The following OSBPL1A variants were observed in gnomAD, a reference collection of about 807,000 sequenced individuals.
OSBPL1A encodes oxysterol-binding protein-related protein 1.
OSBPL1A carries 80 observed loss-of-function variants against 137.1 expected under a neutral mutation model. That is an observed-to-expected ratio of 0.58 (90% CI 0.49 to 0.70). The LOEUF is 0.70. OSBPL1A is among the 30% of genes least tolerant of loss of function. The probability of loss-of-function intolerance (pLI) is 0.00; values close to 1 mark genes in which losing one functional copy is unlikely to be tolerated. For missense variants in OSBPL1A, 970 were observed against 1,129.4 expected (o/e 0.86, Z 2.02); for synonymous variants, 365 against 389.7 (o/e 0.94, Z 0.75).
chr18:24,341,098 C>T (rs916340080), intron 5 of OSBPL1A, among the ~76,000 whole-genome samples: 2 of 152,282 alleles, frequency 1.3e-5, no homozygotes, highest in Admixed American at 6.5e-5. Flanking sequence ...TAGGCTCAAA[C>T]AATCCTCCTC....
At chr18:24,206,510 T>C (rs2087378824) in intron 17 of OSBPL1A, among the ~76,000 whole-genome samples, 1 of 152,212 alleles carries the variant, frequency 6.6e-6, no homozygotes, top group African/African-American at 2.4e-5. Context: ...ACATTTTTCA[T>C]TTAATTAAAA....
intron 17 of OSBPL1A, among the ~76,000 whole-genome samples, chr18:24,213,108 C>T (rs1285651659): frequency 6.6e-6 from 1 of 152,194 alleles, no homozygotes; most frequent in African/African-American, 2.4e-5. Flanking sequence ...GACTCAACAG[C>T]TGGGTATTTA....
intron 20 of OSBPL1A, among the ~76,000 whole-genome samples, chr18:24,178,513 G>C (rs989873276): frequency 6.6e-6 from 1 of 151,970 alleles, no homozygotes; most frequent in Non-Finnish European, 1.5e-5. Flanking sequence ...GGTTGGTTTC[G>C]AACTCCTGAC....
chr18:24,186,578 G>A (rs532963988), intron 18 of OSBPL1A, among the ~76,000 whole-genome samples: 2 of 152,120 alleles, frequency 1.3e-5, no homozygotes, highest in Admixed American at 6.5e-5. Context: ...TTCCTAAAAT[G>A]AACATGTACT....
chr18:24,397,032 T>C (rs1907793455), intron 1 of OSBPL1A, among the ~76,000 whole-genome samples: 1 of 152,240 alleles, frequency 6.6e-6, no homozygotes, highest in Non-Finnish European at 1.5e-5. Flanking sequence ...CAATACCGTC[T>C]GCCTAAAAAC....
At chr18:24,381,927 C>T (rs1906613584) in intron 1 of OSBPL1A, among the ~76,000 whole-genome samples, 1 of 151,514 alleles carries the variant, frequency 6.6e-6, no homozygotes, top group Admixed American at 6.6e-5. Context: ...CACCACTGCA[C>T]TCCAGACTGG....
At chr18:24,260,674 T>C (rs2089422853) in intron 15 of OSBPL1A, among the ~76,000 whole-genome samples, 1 of 152,112 alleles carries the variant, frequency 6.6e-6, no homozygotes, top group Non-Finnish European at 1.5e-5. Flanking sequence ...GAGTATTTAA[T>C]GGGTACAGGG....
chr18:24,277,487 G>A (rs758346583), intron 15 of OSBPL1A, among the ~76,000 whole-genome samples: 38 of 152,076 alleles, frequency 2.5e-4, no homozygotes, highest in African/African-American at 8.5e-4. Flanking sequence ...CAATATGATC[G>A]CATTTACTCT....
chr18:24,342,621 T>G (rs528375306), intron 4 of OSBPL1A, among the ~76,000 whole-genome samples: 2 of 152,218 alleles, frequency 1.3e-5, no homozygotes, highest in African/African-American at 4.8e-5. Context: ...TCTTTTAGAA[T>G]GTTTTCATAG....
chr18:24,335,544 C>A (rs935001742), intron 5 of OSBPL1A, among the ~76,000 whole-genome samples: 1 of 152,182 alleles, frequency 6.6e-6, no homozygotes, highest in African/African-American at 2.4e-5. Flanking sequence ...GATCTGAATT[C>A]TATTTTGGTT....
At chr18:24,395,864 C>T (rs1410261296) in intron 1 of OSBPL1A, among the ~76,000 whole-genome samples, 5 of 150,454 alleles carry the variant, frequency 3.3e-5, no homozygotes, top group South Asian at 2.1e-4. Flanking sequence ...TCAAGTGATC[C>T]GCCCGCCTCG....
intron 21 of OSBPL1A, among the ~76,000 whole-genome samples, chr18:24,176,471 T>C (rs1344861746): frequency 1.3e-5 from 2 of 149,150 alleles, no homozygotes; most frequent in Non-Finnish European, 2.9e-5. Context: ...CAAAAATACT[T>C]CTATTTTTTT....
rs370467526 is a variant in OSBPL1A at position 24,333,118 on chromosome 18, T to C, written c.481-32A>G. 8.5e-5 allele frequency: 137 copies of C among 1,605,704 alleles called. No homozygotes were observed. In the African/African-American group the frequency reaches 1.6e-3, roughly 19 times the overall value. ...ATTAAAAAAATGCAATGCAGAATTATATATCAAAGATAGACTTTCCTCTCA... is the reference window on the plus strand; with the variant it reads ...ATTAAAAAAATGCAATGCAGAATTACATATCAAAGATAGACTTTCCTCTCA... On this transcript the variant is annotated intron_variant, in intron 6 of 27. Transcript: ENST00000319481.
chr18:24,305,489 G>C (rs2090481479), intron 13 of OSBPL1A, among the ~76,000 whole-genome samples: 1 of 152,148 alleles, frequency 6.6e-6, no homozygotes, highest in Non-Finnish European at 1.5e-5. Flanking sequence ...ATACTAAAAA[G>C]AAGAGGTTAT....
intron 16 of OSBPL1A, among the ~76,000 whole-genome samples, chr18:24,237,756 T>A (rs2088539000): frequency 1.3e-5 from 2 of 152,220 alleles, no homozygotes; most frequent in African/African-American, 4.8e-5. Flanking sequence ...CCACTGGACC[T>A]GGCACAAGGT....
At position 24,271,385 on chromosome 18, in the gene OSBPL1A, G is replaced by T; in HGVS notation, c.1281+9457C>A. ...GGCTTTTTCCCCAGGGGCTCTTCCT[G>T]CAGGAACCCCACGGCAGGGAGACCC... On this transcript the variant is annotated intron_variant, in intron 15 of 27. Coordinates refer to ENST00000319481, the MANE Select transcript of OSBPL1A (RefSeq NM_080597.4). The surrounding 1 kb of genome is among the most constrained non-coding windows in gnomAD (Gnocchi z 4.0). 5.0e-6 allele frequency: 1 copy of T among 199,028 alleles called. No individual in the cohort carries two copies. The highest frequency in any genetic ancestry group is 9.0e-6 in the Non-Finnish European group (1 of 110,918). 12.3% of individuals were successfully genotyped at this position (199,028 alleles called of 1,614,324 possible).
At chr18:24,195,528 C>A (rs1054734359) in intron 18 of OSBPL1A, among the ~76,000 whole-genome samples, 13 of 152,034 alleles carry the variant, frequency 8.6e-5, no homozygotes, top group Non-Finnish European at 1.5e-5. Flanking sequence ...CTTACATGTT[C>A]GGTGGTCCAA....
intron 15 of OSBPL1A, chr18:24,272,027 G>A: frequency 1.0e-6 from 1 of 981,882 alleles, no homozygotes; most frequent in Non-Finnish European, 1.2e-6. Flanking sequence ...CCTGCGCGCG[G>A]CGGGCAGCGT....
chr18:24,251,730 A>G (rs891781258), intron 15 of OSBPL1A, among the ~76,000 whole-genome samples: 1 of 152,218 alleles, frequency 6.6e-6, no homozygotes, highest in Admixed American at 6.5e-5. Flanking sequence ...GAACTAAATA[A>G]GGCAGCAGGG....
Sources: allele counts gnomAD v4.1 joint callset (sites outside exome capture counted in the v4.1 genomes callset), GRCh38; gene constraint gnomAD v4.1.1; non-coding constraint Gnocchi (gnomAD v3.1); transcripts MANE v1.5; gene names NCBI Gene and HGNC (gene_info 2026-07-23, HGNC 2026-07-21).